The following QTMAN variants were observed in gnomAD, a reference collection of about 807,000 sequenced individuals.
The protein encoded by QTMAN is tRNA-queuosine alpha-mannosyltransferase.
At chr2:144,075,963 T>G in the QTMAN span, among the ~76,000 whole-genome samples, 1 of 152,218 alleles carries the variant, frequency 6.6e-6, no homozygotes, top group Non-Finnish European at 1.5e-5. Context: ...GAATGTCTTA[T>G]GTATGCCGGG....
At chr2:144,215,139 G>A in the QTMAN span, among the ~76,000 whole-genome samples, 1 of 151,932 alleles carries the variant, frequency 6.6e-6, no homozygotes, top group Non-Finnish European at 1.5e-5. Context: ...CTTCTCCAGA[G>A]GCTAAGGCAA....
the QTMAN span, among the ~76,000 whole-genome samples, chr2:144,076,204 G>A: frequency 2.0e-5 from 3 of 152,084 alleles, no homozygotes; most frequent in Admixed American, 6.5e-5. Context: ...CCAAGATTGC[G>A]CCACTGCACT....
the QTMAN span, among the ~76,000 whole-genome samples, chr2:144,271,813 G>C: frequency 6.6e-6 from 1 of 152,068 alleles, no homozygotes; most frequent in African/African-American, 2.4e-5. Context: ...AAAATGAAAC[G>C]AACTATTCCA....
chr2:144,014,165 T>C, the QTMAN span, among the ~76,000 whole-genome samples: 1 of 152,188 alleles, frequency 6.6e-6, no homozygotes. Context: ...TCTTTACCGG[T>C]AATGGCTAAC....
the QTMAN span, among the ~76,000 whole-genome samples, chr2:144,003,998 T>A: frequency 2.0e-5 from 3 of 152,048 alleles, no homozygotes; most frequent in Non-Finnish European, 4.4e-5. Context: ...GGCAAGGTAA[T>A]GACAAGATCT....
the QTMAN span, among the ~76,000 whole-genome samples, chr2:144,283,451 G>A: frequency 5.9e-5 from 9 of 152,052 alleles, no homozygotes; most frequent in South Asian, 4.2e-4. Flanking sequence ...TTATACACAC[G>A]GCAAAAAAGG....
the QTMAN span, among the ~76,000 whole-genome samples, chr2:144,058,762 T>C: frequency 6.6e-6 from 1 of 152,194 alleles, no homozygotes; most frequent in Non-Finnish European, 1.5e-5. Context: ...CTCTGGACTT[T>C]TTTATCCTGT....
the QTMAN span, among the ~76,000 whole-genome samples, chr2:144,246,704 C>T: frequency 1.3e-5 from 2 of 151,910 alleles, no homozygotes; most frequent in Admixed American, 6.6e-5. Flanking sequence ...CTCACATGGA[C>T]ATAGATGCCT....
At chr2:143,942,533 G>C in the QTMAN span, 1 of 167,202 alleles carries the variant, frequency 6.0e-6, no homozygotes, top group Non-Finnish European at 1.5e-5. Context: ...AGGCAGCTCT[G>C]AATTTTTTGA....
the QTMAN span, among the ~76,000 whole-genome samples, chr2:144,068,831 G>A: frequency 1.3e-5 from 2 of 152,242 alleles, no homozygotes; most frequent in South Asian, 2.1e-4. Context: ...TCAAAGCAAA[G>A]TTAAATTTCT....
At chr2:144,274,974 G>C in the QTMAN span, among the ~76,000 whole-genome samples, 1 of 152,110 alleles carries the variant, frequency 6.6e-6, no homozygotes, top group Non-Finnish European at 1.5e-5. Context: ...TGTCAGAATT[G>C]AATTTAATTA....
the QTMAN span, among the ~76,000 whole-genome samples, chr2:144,071,289 A>AG: frequency 8.6e-5 from 13 of 151,664 alleles, no homozygotes; most frequent in Non-Finnish European, 7.4e-5. Context: ...TAGAGTTTCG[A>AG]GGGGGATAGG....
chr2:144,253,184 T>C, the QTMAN span, among the ~76,000 whole-genome samples: 2 of 152,138 alleles, frequency 1.3e-5, no homozygotes, highest in Non-Finnish European at 2.9e-5. Flanking sequence ...GAAGGACATA[T>C]TTGTTTCGCC....
At chr2:144,077,908 C>T in the QTMAN span, among the ~76,000 whole-genome samples, 1 of 151,996 alleles carries the variant, frequency 6.6e-6, no homozygotes, top group Non-Finnish European at 1.5e-5. Context: ...TATTGTTTTA[C>T]GTATCTGAAG....
the QTMAN span, among the ~76,000 whole-genome samples, chr2:144,062,327 G>A: frequency 6.6e-6 from 1 of 152,184 alleles, no homozygotes; most frequent in Non-Finnish European, 1.5e-5. Flanking sequence ...CCCACAAAGA[G>A]GTCCAGGGAA....
the QTMAN span, among the ~76,000 whole-genome samples, chr2:144,273,301 AG>A: frequency 6.6e-6 from 1 of 152,170 alleles, no homozygotes; most frequent in Non-Finnish European, 1.5e-5. Flanking sequence ...AAACTTCTCC[AG>A]GGGACTCCTC....
chr2:144,270,722 G>C, the QTMAN span, among the ~76,000 whole-genome samples: 2 of 152,140 alleles, frequency 1.3e-5, no homozygotes, highest in African/African-American at 4.8e-5. Flanking sequence ...TTAAAACCTA[G>C]ATGATGGGTT....
At chr2:144,057,668 G>T in the QTMAN span, among the ~76,000 whole-genome samples, 1 of 152,092 alleles carries the variant, frequency 6.6e-6, no homozygotes. Flanking sequence ...TATTGCAGGA[G>T]AATTATAATA....
At chr2:144,256,227 C>T in the QTMAN span, among the ~76,000 whole-genome samples, 4 of 152,130 alleles carry the variant, frequency 2.6e-5, no homozygotes, top group East Asian at 5.8e-4. Flanking sequence ...ATGAGAAATT[C>T]GACAGGCTTC....
Sources: allele counts gnomAD v4.1 joint callset (sites outside exome capture counted in the v4.1 genomes callset), GRCh38; gene constraint gnomAD v4.1.1; transcripts MANE v1.5; gene names NCBI Gene and HGNC (gene_info 2026-07-23, HGNC 2026-07-21).